Variants in TPP2 observed in about 807,000 individuals in gnomAD.
TPP2 encodes the protein tripeptidyl-peptidase 2.
TPP2 carries 34 observed loss-of-function variants against 155.9 expected under a neutral mutation model. That is an observed-to-expected ratio of 0.22 (90% CI 0.17 to 0.29). TPP2 has a LOEUF of 0.29. Among genes scored for constraint, TPP2 ranks in the 10% least tolerant of loss-of-function variants. TPP2 has a pLI of 1.00. For synonymous variants in TPP2, 510 were observed against 529.4 expected, an observed-to-expected ratio of 0.96 and a Z score of 0.50; for missense variants, 1,028 against 1,522.3, an observed-to-expected ratio of 0.68 and a Z score of 5.40.
chr13:102,602,544 G>T (rs1440486972), intron 1 of TPP2, among the ~76,000 whole-genome samples: 1 of 152,112 alleles, frequency 6.6e-6, no homozygotes, highest in Non-Finnish European at 1.5e-5. Context: ...CAGGCCCTCA[G>T]TTGTTCCATG....
chr13:102,609,134 G>C (rs1321959161), intron 2 of TPP2, among the ~76,000 whole-genome samples: 5 of 152,170 alleles, frequency 3.3e-5, no homozygotes. Flanking sequence ...GGCCTGGAGT[G>C]ATGTCATGCA....
At chr13:102,644,535 T>C in intron 17 of TPP2, 22 bp from the exon 18 acceptor site, 1 of 1,545,692 alleles carries the variant, frequency 6.5e-7, no homozygotes, top group East Asian at 2.3e-5. Context: ...AAGAGATATA[T>C]TTTATTTACT....
At chr13:102,644,441 C>T in intron 17 of TPP2, 116 bp from the exon 18 acceptor site, 1 of 865,312 alleles carries the variant, frequency 1.2e-6, no homozygotes. Context: ...TTTGAGTTTT[C>T]TTGCTACAAA....
intron 24 of TPP2, 132 bp downstream of exon 24, chr13:102,651,529 G>A: frequency 1.1e-6 from 1 of 919,082 alleles, no homozygotes; most frequent in South Asian, 1.9e-5. Context: ...CTAAAGTATA[G>A]TGCTCTTAGC....
intron 27 of TPP2, 60 bp from the exon 28 acceptor site, chr13:102,674,223 A>G: frequency 2.0e-6 from 3 of 1,502,032 alleles, no homozygotes; most frequent in Admixed American, 4.1e-5. Context: ...AATTCAGATA[A>G]GAATTTACTT....
chr13:102,627,861 T>C lies in TPP2; in HGVS notation c.953T>C (p.Ile318Thr). ...TCTCTTTAATAGATGATAGAAGTTA[T>C]AAATCATAAGTGTGATCTTGTCAAC... is the stretch of plus-strand genomic sequence containing the variant. ...TGLIRAMIEV[I>T]NHKCDLVNYS... is the part of the protein sequence containing the mutation. Residue 318 changes from isoleucine to threonine, a missense_variant, in exon 8 of 30, where the codon ATA becomes ACA. Coordinates refer to ENST00000376052, the MANE Select transcript of TPP2 (RefSeq NM_001330588.2). The C allele has an allele frequency of 1.9e-6, 3 of 1,613,070 alleles. No homozygotes were observed. Among genetic ancestry groups the C allele is most frequent in the South Asian group, 1.1e-5 (1 of 91,000 alleles).
In TPP2 at chr13:102,624,873, T is replaced by A. The variant is rs1363806049; in HGVS notation, c.784+1833T>A. On this transcript the variant is annotated intron_variant, in intron 6 of 29. Transcript: ENST00000376052. ...TTTCCTTTTTTTTTTTTTTTTTTTT[T>A]TTTGAGACAGAGTCTCGCTCTGTCG... Among the ~76,000 whole-genome samples, 8 of 88,630 alleles carry A rather than the reference T, an allele frequency of 9.0e-5. No homozygotes were observed. In the East Asian group the frequency reaches 2.3e-3, roughly 26 times the overall value. 58.1% of individuals were successfully genotyped at this position (88,630 alleles called of 152,430 possible).
intron 24 of TPP2, among the ~76,000 whole-genome samples, chr13:102,652,394 A>G (rs1479486898): frequency 1.7e-5 from 1 of 57,660 alleles, no homozygotes; most frequent in African/African-American, 6.5e-5. Flanking sequence ...CAAAACATAC[A>G]TACATATATA....
chr13:102,676,051 G>T (rs1277320648), intron 28 of TPP2, among the ~76,000 whole-genome samples: 1 of 151,974 alleles, frequency 6.6e-6, no homozygotes, highest in African/African-American at 2.4e-5. Context: ...TTTTTAAGTG[G>T]ATTTCCACGG....
chr13:102,614,644 G>A (rs7998217), intron 3 of TPP2, among the ~76,000 whole-genome samples: 97,842 of 151,874 alleles, frequency 0.64, 32,848 homozygotes, highest in African/African-American at 0.85. Flanking sequence ...ATCATTTAGT[G>A]TTAAGGTAAG....
At chr13:102,603,906 G>A (rs536404402) in intron 1 of TPP2, among the ~76,000 whole-genome samples, 69 of 152,260 alleles carry the variant, frequency 4.5e-4, no homozygotes, top group African/African-American at 1.6e-3. Context: ...GCAAGAGATG[G>A]TGGTGGTTTG....
chr13:102,603,372 G>T (rs1309270958), intron 1 of TPP2, among the ~76,000 whole-genome samples: 2 of 152,118 alleles, frequency 1.3e-5, no homozygotes, highest in African/African-American at 4.8e-5. Flanking sequence ...AGGAAATGAG[G>T]TACAGTGAGA....
chr13:102,604,854 T>C lies in TPP2; in HGVS notation c.227T>C (p.Val76Ala). The part of the protein sequence containing the change: ...DIIDTTGSGD[V>A]NTATEVEPKD... ...ATTGATACAACAGGAAGTGGCGATG[T>C]GAATACTGCTACAGAAGTAGAGCCA... is the stretch of plus-strand genomic sequence containing the variant. The change falls in exon 2 of 30, where the codon GTG becomes GCG. Residue 76 changes from valine to alanine, a missense_variant. This residue lies in a region of TPP2 where 300 missense variants were observed against 398.3 expected (regional missense o/e 0.75). Transcript: ENST00000376052. 6.2e-7 allele frequency: 1 copy of C among 1,614,158 alleles called. No individual in the cohort carries two copies.
intron 1 of TPP2, among the ~76,000 whole-genome samples, chr13:102,597,542 C>G (rs1034153740): frequency 1.3e-5 from 2 of 152,098 alleles, no homozygotes; most frequent in Non-Finnish European, 2.9e-5. Flanking sequence ...CCCCTTCCTT[C>G]TCGCTTCGGC....
At chr13:102,645,538 G>A (rs1037820357) in intron 19 of TPP2, among the ~76,000 whole-genome samples, 4 of 152,176 alleles carry the variant, frequency 2.6e-5, no homozygotes, top group African/African-American at 9.7e-5. Context: ...CTAGTCTTAA[G>A]TGTATTAAAA....
chr13:102,615,392 C>T (rs890943165), intron 3 of TPP2, among the ~76,000 whole-genome samples: 8 of 152,026 alleles, frequency 5.3e-5, no homozygotes, highest in African/African-American at 9.7e-5. Context: ...TCAAGTGATC[C>T]GCCTGCCTCA....
Position 102,648,991 on chromosome 13 carries a change from G to C in TPP2, c.2713G>C (p.Asp905His). Residue 905 changes from aspartate (D) to histidine (H), a missense_variant, in exon 22 of 30, where the codon GAC becomes CAC. Physicochemically the swap from Asp to His is moderately conservative, Grantham distance 81. Coordinates refer to ENST00000376052, the MANE Select transcript of TPP2 (RefSeq NM_001330588.2). Reference protein sequence around the residue: ...EQISDLERLKDLPFIVSHRLS... With the variant: ...EQISDLERLKHLPFIVSHRLS... ...AATCAGTGATTTGGAACGCCTTAAAGACCTTCCATTTATTGTTTCTCATAG... is the reference window on the plus strand; with the variant it reads ...AATCAGTGATTTGGAACGCCTTAAACACCTTCCATTTATTGTTTCTCATAG... 1 of 1,613,862 alleles carries C rather than the reference G, an allele frequency of 6.2e-7. No homozygotes were observed. The highest frequency in any genetic ancestry group is 1.1e-5 in the South Asian group (1 of 91,066).
intron 16 of TPP2, among the ~76,000 whole-genome samples, chr13:102,641,248 A>C (rs772498529): frequency 1.2e-4 from 19 of 152,166 alleles, no homozygotes; most frequent in Non-Finnish European, 2.6e-4. Flanking sequence ...AGCAGTCAGT[A>C]TAGAAGGGTA....
chr13:102,614,082 A>C lies in TPP2; in HGVS notation c.295-19A>C, dbSNP rs1163926557. Reference sequence around the variant, plus strand: ...AAAGCATTTAGTGAATGAACAGGTTACTCTTTTTTTTTCTGTAGATTCCTG... The same window carrying C: ...AAAGCATTTAGTGAATGAACAGGTTCCTCTTTTTTTTTCTGTAGATTCCTG... On this transcript the variant is annotated intron_variant, in intron 2 of 29. Transcript: ENST00000376052. The C allele has an allele frequency of 1.4e-5, 22 of 1,605,060 alleles. No homozygotes were observed. Among genetic ancestry groups the C allele is most frequent in the Admixed American group, 1.7e-5 (1 of 59,334 alleles).
Sources: gnomAD v4.1 joint callset for allele counts (sites outside exome capture counted in the v4.1 genomes callset) on GRCh38, gnomAD v4.1.1 for gene constraint, gnomAD v4.1.1 regional missense constraint, MANE v1.5 for transcripts, NCBI Gene and HGNC (gene_info 2026-07-23, HGNC 2026-07-21) for gene names.